Variants in AKAP13 observed in about 807,000 individuals in gnomAD.
AKAP13 encodes A-kinase anchor protein 13.
A neutral mutation model predicts 264.5 loss-of-function variants in AKAP13; 80 were observed. The ratio of observed to expected loss-of-function variants is 0.30; its 90% CI spans 0.25 to 0.36. AKAP13 has a LOEUF of 0.36. Ranked by LOEUF, AKAP13 falls within the 10% of genes least tolerant of loss-of-function variation. The pLI is 1.00. For missense variants in AKAP13, 3,712 were observed against 3,435.2 expected (o/e 1.08, Z -2.01); for synonymous variants, 1,380 against 1,250.2 (o/e 1.10, Z -2.19).
intron 5 of AKAP13, among the ~76,000 whole-genome samples, chr15:85,562,975 A>G (rs982502637): frequency 6.6e-5 from 10 of 151,534 alleles, no homozygotes; most frequent in East Asian, 1.9e-4. Context: ...CGGTCTCCCA[A>G]GGTGCTGGGA....
chr15:85,678,518 C>CTT, intron 14 of AKAP13, among the ~76,000 whole-genome samples: 1 of 152,130 alleles, frequency 6.6e-6, no homozygotes. Context: ...TTGTGAAAAT[C>CTT]CACTCTAACT....
chr15:85,711,442 GA>G (rs896227603), intron 19 of AKAP13, among the ~76,000 whole-genome samples: 29 of 151,780 alleles, frequency 1.9e-4, no homozygotes, highest in African/African-American at 7.0e-4. Context: ...TGTATACTTT[GA>G]AAAAAATGTA....
chr15:85,402,916 G>A (rs1298626160), intron 1 of AKAP13, among the ~76,000 whole-genome samples: 2 of 152,152 alleles, frequency 1.3e-5, no homozygotes, highest in Admixed American at 6.5e-5. Context: ...CAGGAGTTTT[G>A]TAGCTGTGAG....
intron 18 of AKAP13, 126 bp from the exon 19 acceptor site, chr15:85,710,453 A>C (rs111754473): frequency 0.023 from 17,528 of 778,526 alleles, 242 homozygotes; most frequent in Non-Finnish European, 0.029. Context: ...GCTGGGACAC[A>C]GGGTGCTTAG....
At chr15:85,698,465 C>CAA (rs35509705) in intron 17 of AKAP13, among the ~76,000 whole-genome samples, 1,093 of 103,728 alleles carry the variant, frequency 0.011, 32 homozygotes, top group Middle Eastern at 0.038. Context: ...ACTCTGTCTC[C>CAA]AAAAAAAAAA....
chr15:85,475,454 C>A (rs1262262310), intron 1 of AKAP13, among the ~76,000 whole-genome samples: 1 of 152,100 alleles, frequency 6.6e-6, no homozygotes, highest in African/African-American at 2.4e-5. Flanking sequence ...TGCAGGAAAC[C>A]ACAAGCCTGT....
chr15:85,583,825 A>T (rs913392581), intron 7 of AKAP13, among the ~76,000 whole-genome samples: 6 of 149,026 alleles, frequency 4.0e-5, no homozygotes, highest in Admixed American at 6.8e-5. Context: ...GATGTTTAGG[A>T]TTTTGAGGTT....
intron 10 of AKAP13, among the ~76,000 whole-genome samples, chr15:85,652,908 C>G (rs1284329326): frequency 6.6e-6 from 1 of 152,118 alleles, no homozygotes; most frequent in Admixed American, 6.5e-5. Context: ...CATTTTGGAT[C>G]CACCCTACTC....
At chr15:85,511,196 T>G (rs1428586814) in intron 2 of AKAP13, among the ~76,000 whole-genome samples, 1 of 152,212 alleles carries the variant, frequency 6.6e-6, no homozygotes, top group Non-Finnish European at 1.5e-5. Context: ...TGATCCTCTC[T>G]TCTCTGATTT....
Position 85,438,771 on chromosome 15 carries a change from A to G in AKAP13, c.-11-46939A>G, listed in dbSNP as rs1361234650. Among the ~76,000 whole-genome samples the G allele has an allele frequency of 2.8e-4, 42 of 152,228 alleles. No individual in the cohort carries two copies. The East Asian group carries it at 6.2e-3, about 22-fold the overall frequency. On this transcript the variant is annotated intron_variant, in intron 1 of 36. Transcript: ENST00000394518. The stretch of plus-strand genomic sequence containing the variant: ...GGGAAAACTGGCTAGCCATATGTAG[A>G]AAGCTGAAATTGAATCCCTTCCTTA...
At position 85,704,980 on chromosome 15, in the gene AKAP13, C is replaced by A. The variant is rs149918823; in HGVS notation, c.5465-3039C>A. 4.0e-3 allele frequency among the ~76,000 whole-genome samples: 605 copies of A among 152,282 alleles called. 4 individuals are homozygous for A. The highest frequency in any genetic ancestry group is 0.014 in the African/African-American group (561 of 41,552). ...AAGTTGAGTGTTTTTCAAGTAGGTA[C>A]TTCAGCATGTTAAGGAGATGTCCAT... On this transcript the variant is annotated intron_variant, in intron 17 of 36. Transcript: ENST00000394518.
Position 85,555,115 on chromosome 15 carries a change from C to G in AKAP13, c.662+11160C>G, listed in dbSNP as rs1401802724. 5.3e-5 allele frequency among the ~76,000 whole-genome samples: 8 copies of G among 151,948 alleles called. 1 individual carries two copies. In the South Asian group the frequency reaches 8.3e-4, roughly 16 times the overall value. On this transcript the variant is annotated intron_variant, in intron 5 of 36. Coordinates refer to ENST00000394518, the MANE Select transcript of AKAP13 (RefSeq NM_007200.5). ...GCCCTGGGTATGCAGGATTGCATAT[C>G]TGACCATAACTAGCCTAGCAGCGAG...
intron 8 of AKAP13, among the ~76,000 whole-genome samples, chr15:85,593,607 A>T (rs1260142599): frequency 6.6e-6 from 1 of 151,318 alleles, no homozygotes; most frequent in East Asian, 1.9e-4. Context: ...AATGTTTTCC[A>T]AGGTGTTTTG....
chr15:85,410,767 C>A (rs2071922210), intron 1 of AKAP13, among the ~76,000 whole-genome samples: 1 of 151,624 alleles, frequency 6.6e-6, no homozygotes, highest in Non-Finnish European at 1.5e-5. Context: ...TTGAATCCTT[C>A]TCTAGCTGGT....
Position 85,581,099 on chromosome 15 carries a change from G to C in AKAP13, c.3031G>C (p.Gly1011Arg), listed in dbSNP as rs976008231. The change falls in exon 7 of 37, where the codon GGT becomes CGT. Residue 1011 changes from glycine to arginine, a missense_variant. Coordinates refer to ENST00000394518, the MANE Select transcript of AKAP13 (RefSeq NM_007200.5). Reference protein sequence around the residue: ...VAPQVSLLTQGGAAQSLVPPG... With the variant: ...VAPQVSLLTQRGAAQSLVPPG... ...CCCACAAGTCTCACTGCTGACTCAA[G>C]GTGGGGCTGCCCAGAGCCTGGTGCC... The C allele has an allele frequency of 6.8e-6, 11 of 1,613,910 alleles. No homozygotes were observed. The highest frequency in any genetic ancestry group is 9.3e-6 in the Non-Finnish European group (11 of 1,179,940).
intron 1 of AKAP13, among the ~76,000 whole-genome samples, chr15:85,451,693 C>A (rs1247975150): frequency 6.6e-6 from 1 of 152,162 alleles, no homozygotes; most frequent in Non-Finnish European, 1.5e-5. Flanking sequence ...AATATAGGCC[C>A]CCAGTCTCTT....
chr15:85,466,643 A>AT (rs1314440283), intron 1 of AKAP13, among the ~76,000 whole-genome samples: 1 of 152,202 alleles, frequency 6.6e-6, no homozygotes, highest in Non-Finnish European at 1.5e-5. Context: ...CCTTTGGCAG[A>AT]TTCAGTTTTG....
intron 16 of AKAP13, among the ~76,000 whole-genome samples, chr15:85,692,436 C>T (rs956046868): frequency 2.0e-4 from 30 of 151,990 alleles, no homozygotes; most frequent in African/African-American, 7.2e-4. Flanking sequence ...AACTAAGGCT[C>T]AGAGAAATAA....
intron 2 of AKAP13, among the ~76,000 whole-genome samples, chr15:85,499,081 A>G (rs1393001859): frequency 2.0e-5 from 3 of 152,206 alleles, no homozygotes; most frequent in Non-Finnish European, 2.9e-5. Context: ...GATGCATGGG[A>G]AAGTGTATAT....
Sources: allele counts gnomAD v4.1 joint callset (sites outside exome capture counted in the v4.1 genomes callset), GRCh38; gene constraint gnomAD v4.1.1; transcripts MANE v1.5; gene names NCBI Gene and HGNC (gene_info 2026-07-23, HGNC 2026-07-21).